CHD2: variants seen among roughly 807,000 people sequenced by gnomAD.
The protein encoded by CHD2 is ATP-dependent chromatin remodeler CHD2.
In CHD2, 28 loss-of-function variants were observed where a neutral mutation model predicts 243.9. The observed-to-expected ratio is 0.11, with a 90% CI of 0.09 to 0.16. The LOEUF is 0.16. CHD2 is among the 10% of genes least tolerant of loss of function. The probability of loss-of-function intolerance (pLI) is 1.00; values close to 1 mark genes in which losing one functional copy is unlikely to be tolerated. For missense variants in CHD2, 1,386 were observed against 2,209.8 expected (o/e 0.63, Z 7.47); for synonymous variants, 775 against 779.0 (o/e 0.99, Z 0.09).
chr15:93,018,076 T>C (rs2054485897), intron 37 of CHD2, among the ~76,000 whole-genome samples: 2 of 152,200 alleles, frequency 1.3e-5, no homozygotes, highest in Non-Finnish European at 2.9e-5. Context: ...TCTCTTTGAT[T>C]TACTCCAGAA....
intron 34 of CHD2, among the ~76,000 whole-genome samples, chr15:93,005,772 C>A (rs1322981956): frequency 6.6e-6 from 1 of 152,110 alleles, no homozygotes; most frequent in Non-Finnish European, 1.5e-5. Flanking sequence ...CATTTAGATG[C>A]TAGAAGTATA....
chr15:92,931,859 C>A (rs915892230), intron 5 of CHD2, among the ~76,000 whole-genome samples: 2 of 147,634 alleles, frequency 1.4e-5, no homozygotes, highest in Non-Finnish European at 3.0e-5. Flanking sequence ...ACATTGCTGA[C>A]GTACTTTTTT....
At chr15:93,019,394 AGTT>A (rs1315269788) in intron 37 of CHD2, among the ~76,000 whole-genome samples, 9 of 152,204 alleles carry the variant, frequency 5.9e-5, no homozygotes, top group African/African-American at 7.2e-5. Flanking sequence ...GAAAAGCGGT[AGTT>A]GTTAAGATTT....
intron 14 of CHD2, 112 bp downstream of exon 14, chr15:92,953,685 T>C: frequency 2.1e-6 from 2 of 939,654 alleles, no homozygotes; most frequent in Non-Finnish European, 3.3e-6. Flanking sequence ...ATTCTGATAC[T>C]GTGCTGTGTT....
chr15:93,012,535 C>A, intron 36 of CHD2, 91 bp downstream of exon 36: 2 of 855,414 alleles, frequency 2.3e-6, no homozygotes, highest in Admixed American at 2.8e-5. Flanking sequence ...GGGAGATGAT[C>A]ACAGAATCAT....
intron 20 of CHD2, among the ~76,000 whole-genome samples, chr15:92,975,658 A>C (rs2053897513): frequency 6.6e-6 from 1 of 151,214 alleles, no homozygotes; most frequent in South Asian, 2.1e-4. Context: ...CTGGAGCCTG[A>C]GCCACTACTT....
intron 8 of CHD2, among the ~76,000 whole-genome samples, chr15:92,942,405 CT>C (rs202182060): frequency 0.069 from 9,372 of 135,672 alleles, 343 homozygotes; most frequent in South Asian, 0.12. Flanking sequence ...TTTCTTTTGG[CT>C]TTTTTTTTTT....
intron 2 of CHD2, chr15:92,902,607 A>G (rs1213842714): frequency 6.5e-6 from 1 of 154,074 alleles, no homozygotes; most frequent in African/African-American, 2.4e-5. Flanking sequence ...TTTTGCATTG[A>G]GTTGTCACCC....
chr15:92,977,513 C>T (rs1032275075), intron 20 of CHD2, among the ~76,000 whole-genome samples: 3 of 152,150 alleles, frequency 2.0e-5, no homozygotes, highest in Non-Finnish European at 4.4e-5. Context: ...CTTTTCCCCC[C>T]GGCTTATATA....
At chr15:92,986,277 C>A (rs1358140701) in intron 26 of CHD2, among the ~76,000 whole-genome samples, 2 of 151,926 alleles carry the variant, frequency 1.3e-5, no homozygotes, top group Non-Finnish European at 2.9e-5. Context: ...TTGTTGCTTA[C>A]AAATTATTTT....
In CHD2 at chr15:92,985,444, C is replaced by G. The variant is rs560526575; in HGVS notation, c.3238-54C>G. The stretch of plus-strand genomic sequence containing the variant: ...TAAGATGGCCTTCTCTTAGTCCTTT[C>G]ACCACTTGAACTTCGCACTTGTTAC... On this transcript the variant is annotated intron_variant, in intron 25 of 38. Transcript: ENST00000394196. 7.2e-6 allele frequency: 11 copies of G among 1,526,248 alleles called. No individual in the cohort carries two copies. The East Asian group carries it at 2.3e-4, about 32-fold the overall frequency. The allele number at this position is 1,526,248 out of a possible 1,614,324, so 94.5% of individuals were successfully genotyped here.
chr15:92,949,505 G>A (rs1416750956), intron 13 of CHD2, among the ~76,000 whole-genome samples: 1 of 152,162 alleles, frequency 6.6e-6, no homozygotes, highest in Non-Finnish European at 1.5e-5. Flanking sequence ...TGTAGAGAGT[G>A]TGATTCCCCT....
Position 92,967,384 on chromosome 15 carries a change from A to G in CHD2, c.2060A>G (p.Gln687Arg). 3 of 1,613,370 alleles carry G rather than the reference A, an allele frequency of 1.9e-6. No homozygotes were observed. The highest frequency in any genetic ancestry group is 2.5e-6 in the Non-Finnish European group (3 of 1,179,444). Reference protein sequence around the residue: ...DHGKGRENGYQSLHKVLEPFL... With the variant: ...DHGKGRENGYRSLHKVLEPFL... ...GGGAAGGGGAGAGAAAATGGCTACC[A>G]GAGTCTTCATAAGGTGCTAGAGCCT... The change falls in exon 17 of 39, where the codon CAG becomes CGG. Residue 687 changes from glutamine to arginine, a missense_variant. By Grantham distance (43) the Gln-to-Arg change is conservative. Around this residue, in one of 19 missense-constraint regions of CHD2, gnomAD observed 118 missense variants for 266.3 expected, o/e 0.44. Transcript: ENST00000394196.
chr15:92,942,251 G>C (rs913722829), intron 8 of CHD2, among the ~76,000 whole-genome samples: 1 of 152,120 alleles, frequency 6.6e-6, no homozygotes, highest in African/African-American at 2.4e-5. Flanking sequence ...TGTTTCTTAA[G>C]CTCCTTGTGA....
intron 34 of CHD2, among the ~76,000 whole-genome samples, chr15:93,005,603 C>A (rs1210823117): frequency 2.6e-5 from 4 of 152,170 alleles, no homozygotes; most frequent in Non-Finnish European, 4.4e-5. Flanking sequence ...ACCCTGTTGA[C>A]CCTGTCCTGT....
At chr15:93,024,293 A>C in intron 38 of CHD2, 79 bp from the exon 39 acceptor site, 67 of 1,278,422 alleles carry the variant, frequency 5.2e-5, no homozygotes, top group Non-Finnish European at 6.8e-5. Flanking sequence ...TATATGAGGA[A>C]GAGCCAAGTG....
chr15:92,951,732 T>C (rs2053556937), intron 13 of CHD2, among the ~76,000 whole-genome samples: 1 of 152,134 alleles, frequency 6.6e-6, no homozygotes, highest in Admixed American at 6.5e-5. Context: ...AAGAAGGAAA[T>C]TACTCAAAGG....
intron 2 of CHD2, chr15:92,904,674 CAGGCACTATTTATAAATTTTAA>C (rs1323248331): frequency 4.5e-6 from 6 of 1,325,740 alleles, no homozygotes; most frequent in African/African-American, 3.0e-5. Context: ...AGAAAAAGTG[CAGGCACTATTTATAAATTTTAA>C]AGGCACTATT....
chr15:93,004,870 A>G (rs2054300393), intron 34 of CHD2, 119 bp downstream of exon 34: 3 of 1,048,666 alleles, frequency 2.9e-6, no homozygotes, highest in South Asian at 4.4e-5. Context: ...TACTTGGGAA[A>G]CACATTGCTT....
Sources: gnomAD v4.1 joint callset for allele counts (sites outside exome capture counted in the v4.1 genomes callset) on GRCh38, gnomAD v4.1.1 for gene constraint, gnomAD v4.1.1 regional missense constraint, MANE v1.5 for transcripts, NCBI Gene and HGNC (gene_info 2026-07-23, HGNC 2026-07-21) for gene names.